The following TBX18 variants were observed in gnomAD, a reference collection of about 807,000 sequenced individuals.
TBX18 encodes the protein T-box transcription factor TBX18.
Under a neutral mutation model 55.0 loss-of-function variants are expected in TBX18, and 21 were observed. That is an observed-to-expected ratio of 0.38 (90% CI 0.27 to 0.55). The LOEUF is 0.55. TBX18 is among the 20% of genes least tolerant of loss of function. TBX18 has a pLI of 0.73. For synonymous variants in TBX18, 342 were observed against 326.1 expected (o/e 1.05, Z -0.53); for missense variants, 840 against 799.6 (o/e 1.05, Z -0.61).
intron 4 of TBX18, among the ~76,000 whole-genome samples, chr6:84,750,838 T>C (rs1326446351): frequency 6.6e-6 from 1 of 152,212 alleles, no homozygotes; most frequent in Non-Finnish European, 1.5e-5. Flanking sequence ...AATATAAATA[T>C]AAAGCAGCAA....
intron 4 of TBX18, among the ~76,000 whole-genome samples, chr6:84,751,267 T>G (rs1235632612): frequency 6.6e-6 from 1 of 152,218 alleles, no homozygotes; most frequent in Non-Finnish European, 1.5e-5. Context: ...TTATGAAGAC[T>G]GTTCTCTCAA....
chr6:84,741,034 A>G (rs918254230), intron 6 of TBX18: 12 of 152,214 alleles, frequency 7.9e-5, no homozygotes, highest in Non-Finnish European at 1.6e-4. Context: ...CATATCTACA[A>G]GTGATCTGAT....
At chr6:84,738,233 T>C (rs1766936667) in intron 7 of TBX18, among the ~76,000 whole-genome samples, 1 of 152,148 alleles carries the variant, frequency 6.6e-6, no homozygotes, top group Non-Finnish European at 1.5e-5. Flanking sequence ...AGAGCACCTC[T>C]AATTTTAATA....
rs894290992 is a variant in TBX18, at chr6:84,734,048, A to G, written c.*2637T>C. 2.0e-5 allele frequency: 3 copies of G among 152,206 alleles called. No individual in the cohort carries two copies. The highest frequency in any genetic ancestry group is 4.4e-5 in the Non-Finnish European group (3 of 68,066). The allele number at this position is 152,206 out of a possible 1,614,324, so 9.4% of individuals were successfully genotyped here. Reference sequence around the variant, plus strand: ...AATTTTCAAAATGTGACTGGTCTTGATAGCAGCAACCTCACCCCATCGCGA... The same window carrying G: ...AATTTTCAAAATGTGACTGGTCTTGGTAGCAGCAACCTCACCCCATCGCGA... On this transcript the variant is annotated 3_prime_UTR_variant, in exon 8 of 8. Transcript: ENST00000369663.
intron 3 of TBX18, among the ~76,000 whole-genome samples, chr6:84,758,810 G>T (rs1311429486): frequency 6.6e-6 from 1 of 152,110 alleles, no homozygotes; most frequent in African/African-American, 2.4e-5. Flanking sequence ...AATACAAATA[G>T]TACAAACAAA....
intron 4 of TBX18, among the ~76,000 whole-genome samples, chr6:84,750,263 GAC>G (rs1767310898): frequency 7.1e-6 from 1 of 141,734 alleles, no homozygotes; most frequent in South Asian, 2.3e-4. Flanking sequence ...CCAGCCTGGT[GAC>G]AGAGCGAGAT....
chr6:84,762,784 G>A (rs1297290407), intron 1 of TBX18, 36 bp from the exon 2 acceptor site: 10 of 1,557,746 alleles, frequency 6.4e-6, no homozygotes, highest in Admixed American at 1.9e-5. Context: ...GAACTGGTGA[G>A]GGAAACAGAG....
intron 4 of TBX18, among the ~76,000 whole-genome samples, chr6:84,752,379 A>G (rs1767373721): frequency 6.6e-6 from 1 of 152,196 alleles, no homozygotes; most frequent in South Asian, 2.1e-4. Context: ...CAAGAAACAG[A>G]TAACAAAAAC....
At chr6:84,753,296 G>T (rs532887474) in intron 4 of TBX18, among the ~76,000 whole-genome samples, 1 of 152,210 alleles carries the variant, frequency 6.6e-6, no homozygotes, top group Admixed American at 6.5e-5. Flanking sequence ...GTGCTCCTAC[G>T]TCCAGTCAAA....
intron 5 of TBX18, among the ~76,000 whole-genome samples, chr6:84,745,611 C>G (rs567175042): frequency 6.6e-6 from 1 of 152,222 alleles, no homozygotes; most frequent in Admixed American, 6.5e-5. Flanking sequence ...ATTAAGTCAT[C>G]ATGTCTGCCA....
At chr6:84,755,689 C>T (rs975302315) in intron 4 of TBX18, among the ~76,000 whole-genome samples, 3 of 152,108 alleles carry the variant, frequency 2.0e-5, no homozygotes, top group African/African-American at 4.8e-5. Context: ...AAAACACTGG[C>T]GGTGTGAGAT....
At chr6:84,753,032 C>A (rs1026184994) in intron 4 of TBX18, among the ~76,000 whole-genome samples, 1 of 152,198 alleles carries the variant, frequency 6.6e-6, no homozygotes, top group African/African-American at 2.4e-5. Context: ...CTCAAGCATA[C>A]TAACTCTTCT....
Position 84,735,822 on chromosome 6 carries a change from T to G in TBX18, c.*863A>C, listed in dbSNP as rs1582060573. The G allele has an allele frequency of 6.6e-6, 1 of 152,310 alleles. No individual in the cohort carries two copies. 9.4% of individuals were successfully genotyped at this position (152,310 alleles called of 1,614,324 possible). A position where few individuals can be genotyped will look rare whatever the true frequency, so the allele number is the denominator to read the frequency against. ...CATTTCTCATTGGAATCAATGAATT[T>G]GAGGTGGATTTATTTTCCTTTTGCC... On this transcript the variant is annotated 3_prime_UTR_variant, in exon 8 of 8. Transcript: ENST00000369663.
chr6:84,758,983 T>C (rs1767572110), intron 3 of TBX18, among the ~76,000 whole-genome samples: 1 of 152,032 alleles, frequency 6.6e-6, no homozygotes, highest in South Asian at 2.1e-4. Flanking sequence ...GGGAAGACAT[T>C]GGGAAAATAA....
intron 1 of TBX18, chr6:84,763,100 C>A: frequency 2.4e-6 from 1 of 412,376 alleles, no homozygotes; most frequent in South Asian, 2.2e-5. Flanking sequence ...CCGACGGAGT[C>A]AGAGGAGCTC....
intron 6 of TBX18, among the ~76,000 whole-genome samples, chr6:84,740,216 G>T (rs2127872219): frequency 6.6e-6 from 1 of 152,282 alleles, no homozygotes; most frequent in Non-Finnish European, 1.5e-5. Context: ...AGAGAGAACA[G>T]AATCTGGCTT....
At chr6:84,742,749 T>C (rs9353221) in intron 6 of TBX18, among the ~76,000 whole-genome samples, 92,812 of 151,786 alleles carry the variant, frequency 0.61, 28,631 homozygotes, top group Non-Finnish European at 0.64. Flanking sequence ...TAAATTCCTT[T>C]TCTGGTTAAG....
Position 84,738,610 on chromosome 6 carries a change from G to A in TBX18, c.1005-19C>T, listed in dbSNP as rs778946002. ...ACCCATTCTAAATGGAAAGGGTCAG[G>A]ATAGGGGTGGACAAAAGAAGTCTAG... On this transcript the variant is annotated intron_variant, in intron 6 of 7. Transcript: ENST00000369663. 5.0e-6 allele frequency: 8 copies of A among 1,593,778 alleles called. No homozygotes were observed. Among genetic ancestry groups the A allele is most frequent in the Non-Finnish European group, 6.9e-6 (8 of 1,161,920 alleles).
Position 84,764,118 on chromosome 6 carries a change from C to T in TBX18, c.64G>A (p.Val22Met). 1 of 1,584,758 alleles carries T rather than the reference C, an allele frequency of 6.3e-7. No individual in the cohort carries two copies. ...TTCTCGGCGCCGATCAGCGCCTCCA[C>T]CGAGAAAGCGTGCGCCTTGAGGCTT... is the stretch of plus-strand genomic sequence containing the variant. ...MLSLKAHAFS[V>M]EALIGAEKQQ... The change falls in exon 1 of 8, where the codon GTG becomes ATG. Residue 22 changes from valine (V) to methionine (M), a missense_variant. Coordinates refer to ENST00000369663, the MANE Select transcript of TBX18 (RefSeq NM_001080508.3).
Sources: allele counts gnomAD v4.1 joint callset (sites outside exome capture counted in the v4.1 genomes callset), GRCh38; gene constraint gnomAD v4.1.1; transcripts MANE v1.5; gene names NCBI Gene and HGNC (gene_info 2026-07-23, HGNC 2026-07-21).